CABLES2: variants seen among roughly 807,000 people sequenced by gnomAD.
CABLES2 encodes the protein CDK5 and ABL1 enzyme substrate 2.
CABLES2 carries 35 observed loss-of-function variants against 44.8 expected under a neutral mutation model. The ratio of observed to expected loss-of-function variants is 0.78; its 90% CI spans 0.60 to 1.04. The LOEUF (loss-of-function observed/expected upper bound fraction) is 1.04. CABLES2 is among the 50% of genes least tolerant of loss of function. The pLI, the probability that CABLES2 is intolerant of heterozygous loss-of-function variation, is 0.00. For missense variants in CABLES2, 566 were observed against 615.7 expected (o/e 0.92, Z 0.85); for synonymous variants, 282 against 281.1 (o/e 1.00, Z -0.03).
At chr20:62,401,719 GAC>G (rs1328249478) in intron 1 of CABLES2, among the ~76,000 whole-genome samples, 1 of 152,236 alleles carries the variant, frequency 6.6e-6, no homozygotes, top group Non-Finnish European at 1.5e-5. Flanking sequence ...GTCATGTGGT[GAC>G]ACAGGTCCCC....
rs1987899063 is a variant in CABLES2 at position 62,390,715 on chromosome 20, C to G, written c.*256G>C. On this transcript the variant is annotated 3_prime_UTR_variant, in exon 10 of 10. Coordinates refer to ENST00000279101, the MANE Select transcript of CABLES2 (RefSeq NM_031215.3). ...TGAAAAAAATACCAGTAACAAACCT[C>G]ACATTTAGTTTATGTAAAAATGCAG... The G allele has an allele frequency of 3.8e-6, 2 of 520,330 alleles. No homozygotes were observed. The highest frequency in any genetic ancestry group is 6.9e-6 in the Non-Finnish European group (2 of 289,298). The allele number at this position is 520,330 out of a possible 1,614,324, so 32.2% of individuals were successfully genotyped here.
At chr20:62,394,346 C>G in intron 4 of CABLES2, 81 bp from the exon 5 acceptor site, 1 of 1,119,986 alleles carries the variant, frequency 8.9e-7, no homozygotes. Context: ...TCCGCTGGCC[C>G]GAGGTGCTCT....
intron 1 of CABLES2, among the ~76,000 whole-genome samples, chr20:62,397,949 GGTA>G (rs79605474): frequency 0.61 from 56,529 of 93,366 alleles, 15,301 homozygotes; most frequent in African/African-American, 0.78. Flanking sequence ...TGGTGGTGAC[GGTA>G]GTGGTGGTGA....
intron 1 of CABLES2, among the ~76,000 whole-genome samples, chr20:62,401,251 G>A (rs1324398702): frequency 6.6e-6 from 1 of 152,228 alleles, no homozygotes; most frequent in African/African-American, 2.4e-5. Flanking sequence ...CCTGCACATG[G>A]GTGCAGGGCA....
chr20:62,398,139 ATGGTGG>A lies in CABLES2; in HGVS notation c.363-1553_363-1548del, dbSNP rs1161706888. Among the ~76,000 whole-genome samples the A allele has an allele frequency of 6.6e-5, 3 of 45,552 alleles. No individual in the cohort carries two copies. The East Asian group carries it at 1.6e-3, about 25-fold the overall frequency. 29.9% of individuals were successfully genotyped at this position (45,552 alleles called of 152,430 possible). ...GGTGGTGGTGGTTATGACGGTGGTGATGGTGGTGGTGGTGGTGACGGTGATGGTGGT... is the reference window on the plus strand; with the variant it reads ...GGTGGTGGTGGTTATGACGGTGGTGATGGTGGTGGTGACGGTGATGGTGGT... On this transcript the variant is annotated intron_variant, in intron 1 of 9. Coordinates refer to ENST00000279101, the MANE Select transcript of CABLES2 (RefSeq NM_031215.3).
chr20:62,401,641 C>A (rs751115362), intron 1 of CABLES2, among the ~76,000 whole-genome samples: 1 of 152,222 alleles, frequency 6.6e-6, no homozygotes, highest in African/African-American at 2.4e-5. Context: ...GCGGGACATG[C>A]GCAATCAGGG....
rs1570027 is a variant in CABLES2 at position 62,393,540 on chromosome 20, A to G, written c.780T>C (p.His260=). ...TGGGCCGAGGTGTGGGCAGCAGGCC[A>G]TGGCTGTCACTCTTGTGTGTGACCA... The part of the protein sequence containing the change: ...NALVTHKSDS[H]GLLPTPRPSV... The change falls in exon 6 of 10, where the codon CAT becomes CAC. Residue 260 remains histidine (H), a synonymous_variant. Coordinates refer to ENST00000279101, the MANE Select transcript of CABLES2 (RefSeq NM_031215.3). 0.22 allele frequency: 353,707 copies of G among 1,612,552 alleles called. 39,340 individuals are homozygous for G. The highest frequency in any genetic ancestry group is 0.27 in the Middle Eastern group (1,627 of 6,056).
chr20:62,404,221 C>T (rs1029789144), intron 1 of CABLES2: 1 of 152,524 alleles, frequency 6.6e-6, no homozygotes, highest in Non-Finnish European at 1.5e-5. Context: ...TGACTCCTGC[C>T]ACATACCTCA....
In CABLES2 at chr20:62,407,268, C is replaced by T. The variant is rs953884964; in HGVS notation, c.9G>A (p.Ala3=). 13 of 550,744 alleles carry T rather than the reference C, an allele frequency of 2.4e-5. No homozygotes were observed. Among genetic ancestry groups the T allele is most frequent in the African/African-American group, 2.3e-4 (11 of 48,034 alleles). The allele number at this position is 550,744 out of a possible 1,614,324, so 34.1% of individuals were successfully genotyped here. MA[A]AAAGGAPGPA... ...GGCCCGGGGCTCCACCGGCCGCGGC[C>T]GCGGCCATCCTCAGACTGCGCCCGC... The change falls in exon 1 of 10, where the codon GCG becomes GCA. Residue 3 remains alanine, a synonymous_variant. Transcript: ENST00000279101.
intron 1 of CABLES2, among the ~76,000 whole-genome samples, chr20:62,401,182 G>A (rs772093342): frequency 1.3e-5 from 2 of 152,196 alleles, no homozygotes; most frequent in African/African-American, 4.8e-5. Context: ...ACCTGGCCCC[G>A]TTGCAGGTCA....
In CABLES2 at chr20:62,390,669, A is replaced by C; in HGVS notation, c.*302T>G. The C allele has an allele frequency of 2.5e-6, 1 of 403,336 alleles. No homozygotes were observed. Among genetic ancestry groups the C allele is most frequent in the Non-Finnish European group, 4.6e-6 (1 of 215,482 alleles). 25.0% of individuals were successfully genotyped at this position (403,336 alleles called of 1,614,324 possible). A position where few individuals can be genotyped will look rare whatever the true frequency, so the allele number is the denominator to read the frequency against. On this transcript the variant is annotated 3_prime_UTR_variant, in exon 10 of 10. Transcript: ENST00000279101. Reference sequence around the variant, plus strand: ...CACGCTGTGAACAAAAGGTCCTGGTACCAGGCTGGTCTCAGGCACGTGAAA... The same window carrying C: ...CACGCTGTGAACAAAAGGTCCTGGTCCCAGGCTGGTCTCAGGCACGTGAAA...
chr20:62,392,538 G>A (rs1291862468), intron 7 of CABLES2, 43 bp from the exon 8 acceptor site: 11 of 1,351,990 alleles, frequency 8.1e-6, no homozygotes, highest in African/African-American at 2.9e-5. Context: ...CCCTCGCACA[G>A]TCCATGGGTC....
In CABLES2 at chr20:62,393,010, C is replaced by A. The variant is rs139798715; in HGVS notation, c.894G>T (p.Gly298=). The change falls in exon 7 of 10, where the codon GGG becomes GGT. Residue 298 remains glycine (G), a synonymous_variant. Transcript: ENST00000279101. Reference sequence around the variant, plus strand: ...GGTTGGGGTTGTACTCCAGGGTGTCCCCCACGTCACTCCCTGTAAGAGAGG... The same window carrying A: ...GGTTGGGGTTGTACTCCAGGGTGTCACCCACGTCACTCCCTGTAAGAGAGG... ...PASTELGSDV[G]DTLEYNPNLL... 483 of 1,613,812 alleles carry A rather than the reference C, an allele frequency of 3.0e-4. 1 individual carries two copies. Among genetic ancestry groups the A allele is most frequent in the Non-Finnish European group, 3.2e-4 (380 of 1,179,864 alleles).
intron 1 of CABLES2, among the ~76,000 whole-genome samples, chr20:62,398,144 G>GAT (rs1569017734): frequency 1.7e-4 from 25 of 148,054 alleles, no homozygotes; most frequent in African/African-American, 5.3e-4. Flanking sequence ...TGGTGATGGT[G>GAT]GTGGTGGTGG....
chr20:62,398,187 A>ACGGTGGTGATGATGG (rs759461396), intron 1 of CABLES2, among the ~76,000 whole-genome samples: 1 of 92,660 alleles, frequency 1.1e-5, no homozygotes, highest in Admixed American at 1.1e-4. Flanking sequence ...GGTGGTGGTG[A>ACGGTGGTGATGATGG]TGGTGATGAT....
chr20:62,403,070 T>G (rs977425839), intron 1 of CABLES2: 2 of 152,224 alleles, frequency 1.3e-5, no homozygotes, highest in South Asian at 4.1e-4. Flanking sequence ...CCTCCAGAAC[T>G]GGGGGGCTCT....
chr20:62,406,910 C>T lies in CABLES2; in HGVS notation c.362+5G>A, dbSNP rs1321881620. The T allele has an allele frequency of 1.6e-6, 2 of 1,219,406 alleles. No individual in the cohort carries two copies. The highest frequency in any genetic ancestry group is 8.1e-5 in the Admixed American group (2 of 24,656). The allele number at this position is 1,219,406 out of a possible 1,614,324, so 75.5% of individuals were successfully genotyped here. ...CTGGGCTGACCTGGCCGGGCCCCCA[C>T]TCACCTCTGGCGCTGCCCATCCAGG... On this transcript the variant is annotated splice_donor_5th_base_variant and intron_variant, in intron 1 of 9. Transcript: ENST00000279101.
chr20:62,393,149 T>C, intron 6 of CABLES2, 126 bp from the exon 7 acceptor site: 1 of 852,190 alleles, frequency 1.2e-6, no homozygotes, highest in Non-Finnish European at 1.9e-6. Flanking sequence ...GCCATGGTTC[T>C]CTCCTGAAGG....
At chr20:62,397,955 G>GAC (rs1988059325) in intron 1 of CABLES2, among the ~76,000 whole-genome samples, 2 of 123,750 alleles carry the variant, frequency 1.6e-5, no homozygotes, top group Admixed American at 1.6e-4. Context: ...TGACGGTAGT[G>GAC]GTGGTGATGG....
Sources: allele counts gnomAD v4.1 joint callset (sites outside exome capture counted in the v4.1 genomes callset), GRCh38; gene constraint gnomAD v4.1.1; transcripts MANE v1.5; gene names NCBI Gene and HGNC (gene_info 2026-07-23, HGNC 2026-07-21).